MCC: variants seen among roughly 807,000 people sequenced by gnomAD.
MCC encodes MCC regulator of Wnt signaling pathway, also known as colorectal mutant cancer protein.
Under a neutral mutation model 116.2 loss-of-function variants are expected in MCC, and 90 were observed. The ratio of observed to expected loss-of-function variants is 0.77; its 90% CI spans 0.65 to 0.92. The LOEUF (loss-of-function observed/expected upper bound fraction) is 0.92. Among genes scored for constraint, MCC ranks in the 40% least tolerant of loss-of-function variants. The pLI, the probability that MCC is intolerant of heterozygous loss-of-function variation, is 0.00. For synonymous variants in MCC, 578 were observed against 510.5 expected, an observed-to-expected ratio of 1.13 and a Z score of -1.78; for missense variants, 1,516 against 1,312.2, an observed-to-expected ratio of 1.16 and a Z score of -2.40.
chr5:113,126,745 TGTTATCC>T (rs1460569330), intron 5 of MCC, among the ~76,000 whole-genome samples: 2 of 152,242 alleles, frequency 1.3e-5, no homozygotes, highest in South Asian at 2.1e-4. Context: ...TGACTGCTTA[TGTTATCC>T]GTAAGGCTTC....
At chr5:113,429,479 GCTGA>G (rs1292980421) in intron 1 of MCC, among the ~76,000 whole-genome samples, 2 of 152,162 alleles carry the variant, frequency 1.3e-5, no homozygotes, top group African/African-American at 2.4e-5. Context: ...GGCGGCCAGG[GCTGA>G]CTAAGATAGG....
chr5:113,477,212 G>C (rs978929211), intron 1 of MCC, among the ~76,000 whole-genome samples: 14 of 152,188 alleles, frequency 9.2e-5, no homozygotes, highest in Admixed American at 7.9e-4. Flanking sequence ...TGTGGGCCTA[G>C]ACTGTAGGTA....
intron 10 of MCC, 71 bp downstream of exon 10, chr5:113,084,030 T>C: frequency 1.7e-6 from 2 of 1,183,756 alleles, no homozygotes; most frequent in Non-Finnish European, 2.5e-6. Context: ...GAAGTTCTTC[T>C]GTCATCTATA....
chr5:113,039,881 A>T (rs1194629484), intron 17 of MCC, among the ~76,000 whole-genome samples: 1 of 152,148 alleles, frequency 6.6e-6, no homozygotes, highest in Non-Finnish European at 1.5e-5. Flanking sequence ...ATTTCTGAAA[A>T]TTCCCTTATT....
chr5:113,272,110 T>C (rs976486584), intron 3 of MCC, among the ~76,000 whole-genome samples: 3 of 152,220 alleles, frequency 2.0e-5, no homozygotes, highest in Non-Finnish European at 4.4e-5. Context: ...TTATATATTA[T>C]CTTTTTCTGG....
At chr5:113,376,803 G>C (rs917855786) in intron 2 of MCC, among the ~76,000 whole-genome samples, 65 of 152,220 alleles carry the variant, frequency 4.3e-4, no homozygotes, top group African/African-American at 1.5e-3. Context: ...GATGGGGATA[G>C]AGCCAACTCT....
chr5:113,367,931 T>C (rs1276339412), intron 2 of MCC, among the ~76,000 whole-genome samples: 1 of 152,138 alleles, frequency 6.6e-6, no homozygotes, highest in Non-Finnish European at 1.5e-5. Context: ...GGCCAGTTCC[T>C]AGAATTATTT....
At chr5:113,120,582 C>T (rs1757681620) in intron 6 of MCC, among the ~76,000 whole-genome samples, 1 of 152,134 alleles carries the variant, frequency 6.6e-6, no homozygotes, top group Non-Finnish European at 1.5e-5. Flanking sequence ...TCATTCATTC[C>T]CACTACTATC....
chr5:113,090,358 GAA>G (rs11299345), intron 8 of MCC, among the ~76,000 whole-genome samples: 2 of 146,308 alleles, frequency 1.4e-5, no homozygotes, highest in African/African-American at 2.5e-5. Flanking sequence ...GACCAAAAAA[GAA>G]AAAAAAAAAG....
At chr5:113,479,079 T>C (rs1231168295) in intron 1 of MCC, among the ~76,000 whole-genome samples, 1 of 152,120 alleles carries the variant, frequency 6.6e-6, no homozygotes, top group Non-Finnish European at 1.5e-5. Context: ...AACCTAAATG[T>C]CCATCAATTA....
At chr5:113,284,280 G>A (rs1047879346) in intron 3 of MCC, among the ~76,000 whole-genome samples, 1 of 152,158 alleles carries the variant, frequency 6.6e-6, no homozygotes. Context: ...AGCCCAGTGG[G>A]TAGAGGCTGC....
At chr5:113,427,591 A>G (rs1400382954) in intron 1 of MCC, among the ~76,000 whole-genome samples, 1 of 152,212 alleles carries the variant, frequency 6.6e-6, no homozygotes, top group Non-Finnish European at 1.5e-5. Context: ...CATTAAAACA[A>G]AGTGAAGATT....
chr5:113,118,763 G>A (rs972711130), intron 6 of MCC, among the ~76,000 whole-genome samples: 6 of 151,868 alleles, frequency 4.0e-5, no homozygotes, highest in Admixed American at 3.3e-4. Context: ...TTGGAAAATG[G>A]CGAAGGAATA....
chr5:113,245,486 G>A (rs1247942800), intron 3 of MCC, among the ~76,000 whole-genome samples: 1 of 151,842 alleles, frequency 6.6e-6, no homozygotes, highest in East Asian at 1.9e-4. Flanking sequence ...GGTAAGCAAA[G>A]TAGAATTTAG....
chr5:113,026,050 C>G lies in MCC; in HGVS notation c.*1252G>C, dbSNP rs934336808. ...TAGAACTGAGAGAGAAGAGGTAAAA[C>G]TGAAAAAGAATAATGAATTTGTTTT... is the stretch of plus-strand genomic sequence containing the variant. On this transcript the variant is annotated 3_prime_UTR_variant, in exon 19 of 19. Coordinates refer to ENST00000408903, the MANE Select transcript of MCC (RefSeq NM_001085377.2). The G allele has an allele frequency of 5.3e-5, 8 of 152,064 alleles. No homozygotes were observed. The highest frequency in any genetic ancestry group is 1.7e-4 in the African/African-American group (7 of 41,388). The allele number at this position is 152,064 out of a possible 1,614,324, so 9.4% of individuals were successfully genotyped here.
chr5:113,034,735 C>T (rs187449697), intron 17 of MCC, among the ~76,000 whole-genome samples: 2 of 152,326 alleles, frequency 1.3e-5, no homozygotes, highest in African/African-American at 2.4e-5. Flanking sequence ...TCTCCACTGA[C>T]GTGGATCACT....
chr5:113,318,721 A>G (rs1011541175), intron 3 of MCC, among the ~76,000 whole-genome samples: 1 of 152,150 alleles, frequency 6.6e-6, no homozygotes, highest in Non-Finnish European at 1.5e-5. Flanking sequence ...AGGAAAAACA[A>G]CTAATGAGTA....
intron 1 of MCC, among the ~76,000 whole-genome samples, chr5:113,402,604 C>G (rs1243641401): frequency 6.6e-6 from 1 of 152,160 alleles, no homozygotes; most frequent in African/African-American, 2.4e-5. Flanking sequence ...TGCTACTTTA[C>G]ACTTTTTTAA....
intron 3 of MCC, among the ~76,000 whole-genome samples, chr5:113,254,309 A>G (rs1764922447): frequency 6.6e-6 from 1 of 152,250 alleles, no homozygotes; most frequent in African/African-American, 2.4e-5. Flanking sequence ...AATATACTCC[A>G]GGAAAATTAA....
Sources: gnomAD v4.1 joint callset for allele counts (sites outside exome capture counted in the v4.1 genomes callset) on GRCh38, gnomAD v4.1.1 for gene constraint, MANE v1.5 for transcripts, NCBI Gene and HGNC (gene_info 2026-07-23, HGNC 2026-07-21) for gene names.